The following RNF213 variants were observed in gnomAD, a reference collection of about 807,000 sequenced individuals.
RNF213 encodes the protein E3 ubiquitin-protein ligase RNF213.
A neutral mutation model predicts 514.4 loss-of-function variants in RNF213; 341 were observed. The observed-to-expected ratio is 0.66, with a 90% CI of 0.61 to 0.73. The LOEUF (loss-of-function observed/expected upper bound fraction) is 0.73, where lower values mean the gene tolerates loss of function less well. RNF213 is among the 30% of genes least tolerant of loss of function. The pLI is 0.00. For missense variants in RNF213, 5,767 were observed against 6,615.6 expected (o/e 0.87, Z 4.45); for synonymous variants, 2,655 against 2,658.2 (o/e 1.00, Z 0.04).
chr17:80,295,046 C>A (rs1407913396), intron 9 of RNF213, 43 bp downstream of exon 9: 1 of 1,609,944 alleles, frequency 6.2e-7, no homozygotes, highest in Admixed American at 1.7e-5. Flanking sequence ...TGGGCAGGAG[C>A]CACACCTGAC....
chr17:80,340,261 G>T lies in RNF213; in HGVS notation c.5894G>T (p.Gly1965Val). ...GAGGCCATCCAAGCCTACCTGGCAG[G>T]TCACTACCGGGTCCCGAAGCAGACC... ...PLEAIQAYLAGHYRVPKQTLS... is the reference protein window; with the variant it reads ...PLEAIQAYLAVHYRVPKQTLS... The change falls in exon 26 of 68, where the codon GGT becomes GTT. Residue 1965 changes from glycine (G) to valine (V), a missense_variant. Physicochemically the swap from Gly to Val is moderately radical, Grantham distance 109. This residue lies in a region of RNF213 where 1,377 missense variants were observed against 1,635.2 expected (regional missense o/e 0.84). Coordinates refer to ENST00000582970, the MANE Select transcript of RNF213 (RefSeq NM_001256071.3). 8 of 1,614,112 alleles carry T rather than the reference G, an allele frequency of 5.0e-6. No individual in the cohort carries two copies. Among genetic ancestry groups the T allele is most frequent in the Non-Finnish European group, 6.8e-6 (8 of 1,180,032 alleles).
chr17:80,347,033 G>T lies in RNF213; in HGVS notation c.8698G>T (p.Val2900Leu). Residue 2900 changes from valine to leucine, a missense_variant, in exon 29 of 68, where the codon GTG becomes TTG. Physicochemically the swap from Val to Leu is conservative, Grantham distance 32. This residue lies in a region of RNF213 where 919 missense variants were observed against 1,121.0 expected (regional missense o/e 0.82). Transcript: ENST00000582970. This position sits in a 1 kb window ranked among gnomAD's most constrained non-coding sequence, Gnocchi z 7.2. ...DPAKMNRGIF[V>L]SRGSPNETEL... ...TGCCAAGATGAACCGGGGCATTTTT[G>T]TGTCACGTGGCAGCCCCAACGAGAC... 3 of 1,614,026 alleles carry T rather than the reference G, an allele frequency of 1.9e-6. No homozygotes were observed. Among genetic ancestry groups the T allele is most frequent in the Non-Finnish European group, 1.7e-6 (2 of 1,179,986 alleles).
At chr17:80,333,129 A>G (rs1170591494) in intron 21 of RNF213, among the ~76,000 whole-genome samples, 1 of 151,550 alleles carries the variant, frequency 6.6e-6, no homozygotes, top group Non-Finnish European at 1.5e-5. Flanking sequence ...GCTCACTGCA[A>G]GCTTCGCCTC....
chr17:80,315,287 G>GGAT (rs1225974434), intron 15 of RNF213, among the ~76,000 whole-genome samples: 1 of 60,534 alleles, frequency 1.7e-5, no homozygotes. Context: ...TGATGGTGGT[G>GGAT]GTGGTGGTGG....
intron 10 of RNF213, among the ~76,000 whole-genome samples, chr17:80,297,496 G>A (rs1159855697): frequency 6.6e-6 from 1 of 151,252 alleles, no homozygotes; most frequent in Non-Finnish European, 1.5e-5. Context: ...GCTCACACCT[G>A]TAATCCCAGT....
intron 60 of RNF213, 78 bp downstream of exon 60, chr17:80,385,249 T>TG: frequency 1.9e-6 from 3 of 1,576,352 alleles, no homozygotes; most frequent in Non-Finnish European, 2.6e-6. Context: ...GGGAACAGGG[T>TG]GGGGCGGAGG....
intron 3 of RNF213, among the ~76,000 whole-genome samples, chr17:80,283,228 G>A (rs2044358373): frequency 6.6e-6 from 1 of 152,158 alleles, no homozygotes; most frequent in East Asian, 1.9e-4. Flanking sequence ...CACTCGGCCA[G>A]TCCTCACCGA....
In RNF213 at chr17:80,388,124, C is replaced by T. The variant is rs563904601; in HGVS notation, c.14923-488C>T. 2.1e-3 allele frequency among the ~76,000 whole-genome samples: 320 copies of T among 152,170 alleles called. 3 individuals are homozygous for T. The highest frequency in any genetic ancestry group is 0.01 in the Middle Eastern group (3 of 294). Reference sequence around the variant, plus strand: ...GACTACAGGCGCCCGCCACCATGCCCGGCTAATTTTTTTGTATTTTTAGTA... The same window carrying T: ...GACTACAGGCGCCCGCCACCATGCCTGGCTAATTTTTTTGTATTTTTAGTA... On this transcript the variant is annotated intron_variant, in intron 63 of 67. Coordinates refer to ENST00000582970, the MANE Select transcript of RNF213 (RefSeq NM_001256071.3).
In RNF213 at chr17:80,288,630, C is replaced by T; in HGVS notation, c.811-3C>T. 6.2e-7 allele frequency: 1 copy of T among 1,614,144 alleles called. No individual in the cohort carries two copies. Among genetic ancestry groups the T allele is most frequent in the Non-Finnish European group, 8.5e-7 (1 of 1,180,030 alleles). On this transcript the variant is annotated splice_region_variant and splice_polypyrimidine_tract_variant and intron_variant, in intron 4 of 67. Transcript: ENST00000582970. This position sits in a 1 kb window ranked among gnomAD's most constrained non-coding sequence, Gnocchi z 4.9. ...CTTGGCTCTGGTGTTTGGGGTCTTTCAGGCAGTTGATGCTGTAGCTGAGCC... is the reference window on the plus strand; with the variant it reads ...CTTGGCTCTGGTGTTTGGGGTCTTTTAGGCAGTTGATGCTGTAGCTGAGCC...
Position 80,369,620 on chromosome 17 carries a change from C to G in RNF213, c.12274C>G (p.Leu4092Val). 2.5e-6 allele frequency: 4 copies of G among 1,614,256 alleles called. No homozygotes were observed. Among genetic ancestry groups the G allele is most frequent in the Non-Finnish European group, 3.4e-6 (4 of 1,180,046 alleles). ...APPEKEVIES[L>V]LSLLFVQKGR... is the part of the protein sequence containing the mutation. ...GCCTGAGAAGGAAGTGATTGAGAGC[C>G]TGCTCTCTCTCCTCTTCGTCCAAAA... is the stretch of plus-strand genomic sequence containing the variant. The change falls in exon 45 of 68, where the codon CTG (leucine) becomes GTG (valine). Residue 4092 changes from leucine (L) to valine (V), a missense_variant. By Grantham distance (32) the Leu-to-Val change is conservative (BLOSUM62 1). Around this residue, in one of 13 missense-constraint regions of RNF213, gnomAD observed 93 missense variants for 95.6 expected, o/e 0.97. Coordinates refer to ENST00000582970, the MANE Select transcript of RNF213 (RefSeq NM_001256071.3).
rs753192598 is a variant in RNF213, at chr17:80,389,380, C to A, written c.15195+13C>A. 3 of 1,612,664 alleles carry A rather than the reference C, an allele frequency of 1.9e-6. No individual in the cohort carries two copies. The African/African-American group carries it at 4.0e-5, about 22-fold the overall frequency. On this transcript the variant is annotated intron_variant, in intron 65 of 67. Transcript: ENST00000582970. Reference sequence around the variant, plus strand: ...TCACGTGTTAAAGGTGGGTCTCACACCGAAAAGGAAATCAGCACAGCCCCT... The same window carrying A: ...TCACGTGTTAAAGGTGGGTCTCACAACGAAAAGGAAATCAGCACAGCCCCT...
At chr17:80,262,181 G>C (rs1310122197) in intron 1 of RNF213, among the ~76,000 whole-genome samples, 1 of 152,100 alleles carries the variant, frequency 6.6e-6, no homozygotes, top group Admixed American at 6.6e-5. Flanking sequence ...GTAGAGTGTG[G>C]AGGGGAGGAG....
chr17:80,363,762 C>T lies in RNF213; in HGVS notation c.11722C>T (p.Leu3908=), dbSNP rs903032633. The change falls in exon 41 of 68, where the codon CTG becomes TTG. Residue 3908 remains leucine, a synonymous_variant. Transcript: ENST00000582970. ...SDEHMQGSGS[L]AQAVIREVRA... ...TGAGCACATGCAAGGCAGCGGGAGC[C>T]TGGCCCAGGCTGTCATCAGGGAAGT... is the stretch of plus-strand genomic sequence containing the variant. 3.1e-6 allele frequency: 5 copies of T among 1,613,476 alleles called. No individual in the cohort carries two copies. The African/African-American group carries it at 6.7e-5, about 22-fold the overall frequency.
intron 36 of RNF213, 82 bp downstream of exon 36, chr17:80,354,658 C>A: frequency 6.5e-7 from 1 of 1,532,768 alleles, no homozygotes; most frequent in Non-Finnish European, 9.0e-7. Context: ...TCTCTCCATC[C>A]GGGCCATGGG....
chr17:80,308,319 G>A (rs2045444561), intron 13 of RNF213, among the ~76,000 whole-genome samples: 1 of 151,974 alleles, frequency 6.6e-6, no homozygotes, highest in Non-Finnish European at 1.5e-5. Context: ...TCTCAGCCCA[G>A]GGAGTCCTTT....
intron 8 of RNF213, among the ~76,000 whole-genome samples, chr17:80,292,231 C>T (rs1005421679): frequency 1.3e-5 from 2 of 152,102 alleles, no homozygotes; most frequent in Non-Finnish European, 2.9e-5. Context: ...ATTACAGGAG[C>T]CTGTCACCAC....
rs1414163206 is a variant in RNF213 at position 80,376,898 on chromosome 17, C to T, written c.13445C>T (p.Thr4482Ile). 6.2e-7 allele frequency: 1 copy of T among 1,614,072 alleles called. No homozygotes were observed. Among genetic ancestry groups the T allele is most frequent in the Admixed American group, 1.7e-5 (1 of 60,004 alleles). ...PATMAHAFLPTMPEDLLAQAR... is the reference protein window; with the variant it reads ...PATMAHAFLPIMPEDLLAQAR... Reference sequence around the variant, plus strand: ...GTTTTTCAGCATGCTTTTCTTCCAACCATGCCTGAAGACTTGCTGGCTCAA... The same window carrying T: ...GTTTTTCAGCATGCTTTTCTTCCAATCATGCCTGAAGACTTGCTGGCTCAA... Residue 4482 changes from threonine (T) to isoleucine (I), a missense_variant, in exon 53 of 68, where the codon ACC becomes ATC. Thr to Ile is a moderately conservative substitution (Grantham distance 89, BLOSUM62 -1). This residue lies in a region of RNF213 where 1,245 missense variants were observed against 1,339.0 expected (regional missense o/e 0.93). Transcript: ENST00000582970.
intron 37 of RNF213, 88 bp downstream of exon 37, chr17:80,358,567 G>C: frequency 8.0e-7 from 1 of 1,244,280 alleles, no homozygotes; most frequent in Non-Finnish European, 1.2e-6. Flanking sequence ...TGGGTGAAAC[G>C]CAGCCCTCAA....
chr17:80,369,940 GTCT>G (rs1263743418), intron 46 of RNF213, 73 bp downstream of exon 46: 41 of 1,068,102 alleles, frequency 3.8e-5, no homozygotes, highest in Middle Eastern at 4.0e-4. Flanking sequence ...TTGTTACCAA[GTCT>G]TCTTGTCGTG....
Sources: gnomAD v4.1 joint callset for allele counts (sites outside exome capture counted in the v4.1 genomes callset) on GRCh38, gnomAD v4.1.1 for gene constraint, gnomAD v4.1.1 regional missense constraint, Gnocchi (gnomAD v3.1) non-coding constraint, MANE v1.5 for transcripts, NCBI Gene and HGNC (gene_info 2026-07-23, HGNC 2026-07-21) for gene names.